Variants in PLXDC2 observed in about 807,000 individuals in gnomAD.
PLXDC2 encodes plexin domain containing 2, also known as plexin domain-containing protein 2.
Under a neutral mutation model 68.9 loss-of-function variants are expected in PLXDC2, and 40 were observed. That is an observed-to-expected ratio of 0.58 (90% CI 0.45 to 0.76). The LOEUF is 0.76. PLXDC2 is among the 30% of genes least tolerant of loss of function. The probability of loss-of-function intolerance (pLI) is 0.00; values close to 1 mark genes in which losing one functional copy is unlikely to be tolerated. For synonymous variants in PLXDC2, 243 were observed against 234.2 expected, an observed-to-expected ratio of 1.04 and a Z score of -0.34; for missense variants, 644 against 661.9, an observed-to-expected ratio of 0.97 and a Z score of 0.30.
chr10:20,090,601 C>A lies in PLXDC2; in HGVS notation c.541+22362C>A, dbSNP rs150667948. ...AATATTTAAGGTACATTTAATGCCTCCAGTAGAGTGATTCCTTAGCAAGGT... is the reference window on the plus strand; with the variant it reads ...AATATTTAAGGTACATTTAATGCCTACAGTAGAGTGATTCCTTAGCAAGGT... On this transcript the variant is annotated intron_variant, in intron 4 of 13. Coordinates refer to ENST00000377252, the MANE Select transcript of PLXDC2 (RefSeq NM_032812.9). Among the ~76,000 whole-genome samples the A allele has an allele frequency of 4.9e-3, 753 of 152,184 alleles. 13 individuals carry two copies. Among genetic ancestry groups the A allele is most frequent in the African/African-American group, 0.017 (720 of 41,518 alleles).
chr10:20,228,633 G>A (rs374443833), intron 12 of PLXDC2, among the ~76,000 whole-genome samples: 27 of 150,442 alleles, frequency 1.8e-4, no homozygotes, highest in Admixed American at 9.3e-4. Flanking sequence ...AAGGAAGGGC[G>A]GAAGGGAGGG....
chr10:19,843,812 T>C (rs1413059846), intron 1 of PLXDC2, among the ~76,000 whole-genome samples: 1 of 152,098 alleles, frequency 6.6e-6, no homozygotes, highest in Non-Finnish European at 1.5e-5. Flanking sequence ...GGTTGGTTAG[T>C]GGGTATAAAC....
At chr10:20,136,139 C>T (rs1833930039) in intron 4 of PLXDC2, among the ~76,000 whole-genome samples, 1 of 152,180 alleles carries the variant, frequency 6.6e-6, no homozygotes, top group Admixed American at 6.6e-5. Context: ...TTCATTTCTT[C>T]TATTAACCGT....
intron 1 of PLXDC2, among the ~76,000 whole-genome samples, chr10:19,831,424 CTT>C (rs924221384): frequency 3.9e-4 from 60 of 152,034 alleles, no homozygotes; most frequent in African/African-American, 1.4e-3. Context: ...GGCTTTAACT[CTT>C]TTTTGTTTTT....
chr10:19,909,815 C>G (rs1007110296), intron 1 of PLXDC2, among the ~76,000 whole-genome samples: 1 of 152,124 alleles, frequency 6.6e-6, no homozygotes, highest in Non-Finnish European at 1.5e-5. Flanking sequence ...GTAACACTTA[C>G]TATAAGCCAG....
chr10:19,932,166 G>A (rs993497428), intron 1 of PLXDC2, among the ~76,000 whole-genome samples: 16 of 152,108 alleles, frequency 1.1e-4, no homozygotes, highest in African/African-American at 2.7e-4. Context: ...TATTTTTGTC[G>A]AAATGTTGAC....
At chr10:19,941,440 C>T (rs993268433) in intron 1 of PLXDC2, among the ~76,000 whole-genome samples, 4 of 152,146 alleles carry the variant, frequency 2.6e-5, no homozygotes, top group Non-Finnish European at 5.9e-5. Context: ...TGCAGCTGGT[C>T]GTTTCACAGC....
chr10:20,104,959 G>C (rs1056214844), intron 4 of PLXDC2, among the ~76,000 whole-genome samples: 1 of 148,466 alleles, frequency 6.7e-6, no homozygotes, highest in South Asian at 2.1e-4. Context: ...GCTGAGGCAG[G>C]AGAATCACTT....
chr10:20,219,133 T>C, intron 12 of PLXDC2, 31 bp downstream of exon 12: 3 of 1,580,052 alleles, frequency 1.9e-6, no homozygotes, highest in Non-Finnish European at 2.6e-6. Flanking sequence ...TTCATAAACA[T>C]CTTTTAAATA....
chr10:20,044,235 TTCTTTC>T (rs1482124189), intron 2 of PLXDC2, among the ~76,000 whole-genome samples: 2 of 89,550 alleles, frequency 2.2e-5, no homozygotes, highest in Non-Finnish European at 4.2e-5. Context: ...CTTTCTTTCT[TTCTTTC>T]TTTCTTTCTT....
intron 6 of PLXDC2, 38 bp downstream of exon 6, chr10:20,147,940 G>A (rs376926402): frequency 1.5e-6 from 2 of 1,375,580 alleles, no homozygotes; most frequent in African/African-American, 1.4e-5. Flanking sequence ...CCTTCCCCTT[G>A]TTCTTGACTG....
Position 19,853,448 on chromosome 10 carries a change from G to A in PLXDC2, c.112+36257G>A, listed in dbSNP as rs1282189879. ...ATTTATTTATTTTTGTATAGATGAG[G>A]TCTCGCTATGTTGCCAAGGCTGATA... On this transcript the variant is annotated intron_variant, in intron 1 of 13. Coordinates refer to ENST00000377252, the MANE Select transcript of PLXDC2 (RefSeq NM_032812.9). Among the ~76,000 whole-genome samples, 8 of 151,352 alleles carry A rather than the reference G, an allele frequency of 5.3e-5. No homozygotes were observed. The East Asian group carries it at 1.4e-3, about 26-fold the overall frequency.
chr10:20,287,802 A>T lies in PLXDC2; in HGVS notation c.*7983A>T, dbSNP rs1300451218. ...TTTGCCTGATTTGAAGCATTTCAACAGTGCCTGGAGAGTACATTATTTTCA... is the reference window on the plus strand; with the variant it reads ...TTTGCCTGATTTGAAGCATTTCAACTGTGCCTGGAGAGTACATTATTTTCA... On this transcript the variant is annotated 3_prime_UTR_variant, in exon 14 of 14. Coordinates refer to ENST00000377252, the MANE Select transcript of PLXDC2 (RefSeq NM_032812.9). The T allele has an allele frequency of 6.6e-6, 1 of 152,034 alleles. No individual in the cohort carries two copies. The highest frequency in any genetic ancestry group is 6.6e-5 in the Admixed American group (1 of 15,260). 9.4% of individuals were successfully genotyped at this position (152,034 alleles called of 1,614,324 possible).
At position 20,280,670 on chromosome 10, in the gene PLXDC2, G is replaced by A. The variant is rs1472695525; in HGVS notation, c.*851G>A. On this transcript the variant is annotated 3_prime_UTR_variant, in exon 14 of 14. Coordinates refer to ENST00000377252, the MANE Select transcript of PLXDC2 (RefSeq NM_032812.9). ...GTCCCATGAAACCACAGTTGCTCTGGGCTGATGGAAACAAAAGGAAACAGT... is the reference window on the plus strand; with the variant it reads ...GTCCCATGAAACCACAGTTGCTCTGAGCTGATGGAAACAAAAGGAAACAGT... 1 of 151,964 alleles carries A rather than the reference G, an allele frequency of 6.6e-6. No homozygotes were observed. Among genetic ancestry groups the A allele is most frequent in the Non-Finnish European group, 1.5e-5 (1 of 67,992 alleles). 9.4% of individuals were successfully genotyped at this position (151,964 alleles called of 1,614,324 possible). A position where few individuals can be genotyped will look rare whatever the true frequency, so the allele number is the denominator to read the frequency against.
intron 1 of PLXDC2, among the ~76,000 whole-genome samples, chr10:19,912,724 A>G (rs950615945): frequency 6.6e-6 from 1 of 152,214 alleles, no homozygotes; most frequent in East Asian, 1.9e-4. Flanking sequence ...AGTTAGTACT[A>G]TATAAAGCCT....
At chr10:20,129,342 C>T (rs572603062) in intron 4 of PLXDC2, among the ~76,000 whole-genome samples, 10 of 152,024 alleles carry the variant, frequency 6.6e-5, no homozygotes, top group Non-Finnish European at 1.0e-4. Flanking sequence ...TGCTATTGAG[C>T]GGAGTTCTTT....
intron 13 of PLXDC2, among the ~76,000 whole-genome samples, chr10:20,265,399 C>T (rs769473959): frequency 1.3e-5 from 2 of 152,184 alleles, no homozygotes; most frequent in Non-Finnish European, 2.9e-5. Context: ...CTGTAACACA[C>T]ATCTCATATT....
In PLXDC2 at chr10:19,964,333, G is replaced by A. The variant is rs1286243904; in HGVS notation, c.113-37442G>A. On this transcript the variant is annotated intron_variant, in intron 1 of 13. Transcript: ENST00000377252. ...AACTGGGTAAGCACAACAATAAGAAGGAAGGGAGGTTGGGCTGATGTTCCT... is the reference window on the plus strand; with the variant it reads ...AACTGGGTAAGCACAACAATAAGAAAGAAGGGAGGTTGGGCTGATGTTCCT... 1.3e-5 allele frequency among the ~76,000 whole-genome samples: 2 copies of A among 152,164 alleles called. 1 individual carries two copies. Among genetic ancestry groups the A allele is most frequent in the African/African-American group, 4.8e-5 (2 of 41,444 alleles).
At chr10:20,184,834 G>C (rs1834658455) in intron 9 of PLXDC2, among the ~76,000 whole-genome samples, 1 of 151,634 alleles carries the variant, frequency 6.6e-6, no homozygotes, top group South Asian at 2.1e-4. Flanking sequence ...AAAACTGTGG[G>C]TATGTCCTTT....
Sources: gnomAD v4.1 joint callset for allele counts (sites outside exome capture counted in the v4.1 genomes callset) on GRCh38, gnomAD v4.1.1 for gene constraint, MANE v1.5 for transcripts, NCBI Gene and HGNC (gene_info 2026-07-23, HGNC 2026-07-21) for gene names.